Variants in TUBB8B observed in about 807,000 individuals in gnomAD.
The protein encoded by TUBB8B is HSA18p11 beta-tubulin 4Q pseudogene.
TUBB8B carries 26 observed loss-of-function variants against 31.9 expected under a neutral mutation model. The observed-to-expected ratio is 0.81, with a 90% CI of 0.60 to 1.13. The LOEUF (loss-of-function observed/expected upper bound fraction) is 1.13, where lower values mean the gene tolerates loss of function less well. Ranked by LOEUF, TUBB8B falls within the 50% of genes most tolerant of loss-of-function variation. The probability of loss-of-function intolerance (pLI) is 0.00; values close to 1 mark genes in which losing one functional copy is unlikely to be tolerated. For missense variants in TUBB8B, 467 were observed against 586.7 expected (o/e 0.80, Z 2.11); for synonymous variants, 173 against 231.0 (o/e 0.75, Z 2.28).
At chr18:63,523 G>T in the TUBB8B span, among the ~76,000 whole-genome samples, 10 of 151,594 alleles carry the variant, frequency 6.6e-5, no homozygotes, top group Non-Finnish European at 1.2e-4. Context: ...CACTGAGACT[G>T]CGCTGGTTCA....
upstream of TUBB8B, chr18:50,530 T>G (rs11874789): frequency 6.6e-6 from 1 of 152,508 alleles, no homozygotes; most frequent in Non-Finnish European, 1.5e-5. Context: ...CCTGTTTTAG[T>G]GTCTTGAAAA....
upstream of TUBB8B, among the ~76,000 whole-genome samples, chr18:52,912 G>A (rs1906167625): frequency 6.6e-6 from 1 of 151,810 alleles, no homozygotes; most frequent in African/African-American, 2.4e-5. Context: ...CTTGGAAGGT[G>A]CAGATGTACT....
At chr18:71,619 C>T in the TUBB8B span, among the ~76,000 whole-genome samples, 1 of 145,518 alleles carries the variant, frequency 6.9e-6, no homozygotes, top group African/African-American at 2.5e-5. Flanking sequence ...GTGGTTCAGG[C>T]CTGCCTGCAA....
At chr18:59,263 C>T in the TUBB8B span, among the ~76,000 whole-genome samples, 27 of 151,672 alleles carry the variant, frequency 1.8e-4, 2 homozygotes, top group African/African-American at 6.5e-4. Context: ...CCTTTTATTG[C>T]TTTCTCTTGT....
At chr18:64,147 A>T in the TUBB8B span, among the ~76,000 whole-genome samples, 4 of 152,042 alleles carry the variant, frequency 2.6e-5, no homozygotes, top group Non-Finnish European at 2.9e-5. Context: ...CTTCTCCATA[A>T]CTTAAACCTA....
At chr18:58,190 C>T in the TUBB8B span, among the ~76,000 whole-genome samples, 4 of 150,554 alleles carry the variant, frequency 2.7e-5, no homozygotes, top group Admixed American at 6.6e-5. Flanking sequence ...ATATCTCTAA[C>T]AAGTGATTGC....
At chr18:62,423 T>A in the TUBB8B span, among the ~76,000 whole-genome samples, 1 of 38,304 alleles carries the variant, frequency 2.6e-5, no homozygotes, top group Non-Finnish European at 5.0e-5. Context: ...AAATGTTTAA[T>A]TTTTTTTTTT....
the TUBB8B span, among the ~76,000 whole-genome samples, chr18:57,697 A>C: frequency 6.6e-6 from 1 of 151,886 alleles, no homozygotes; most frequent in Admixed American, 6.6e-5. Flanking sequence ...CCCAGTGGGG[A>C]ACCCACATGG....
chr18:60,716 A>C, the TUBB8B span, among the ~76,000 whole-genome samples: 1 of 151,664 alleles, frequency 6.6e-6, no homozygotes, highest in African/African-American at 2.4e-5. Context: ...ATTTTTATTG[A>C]CCTACTGATC....
the TUBB8B span, among the ~76,000 whole-genome samples, chr18:63,768 C>A: frequency 4.0e-5 from 6 of 148,616 alleles, no homozygotes; most frequent in African/African-American, 1.5e-4. Context: ...CTAACCCTAA[C>A]CCTAGCCCTA....
chr18:60,033 A>G, the TUBB8B span, among the ~76,000 whole-genome samples: 1 of 151,674 alleles, frequency 6.6e-6, no homozygotes, highest in Non-Finnish European at 1.5e-5. Flanking sequence ...TGCTTTTTAA[A>G]TGTGTCTTTG....
chr18:48,831 G>A (rs1402317459), intron 3 of TUBB8B, 109 bp downstream of exon 3: 4 of 823,104 alleles, frequency 4.9e-6, no homozygotes, highest in Non-Finnish European at 8.4e-6. Context: ...GGATAGGAGG[G>A]TGTTCAGGGG....
rs1345232820 is a variant in TUBB8B at position 49,060 on chromosome 18, G to T, written c.167-10C>A. On this transcript the variant is annotated splice_polypyrimidine_tract_variant and intron_variant, in intron 2 of 3. Transcript: ENST00000308911. ...GGCACGTACCTGCCACCTGCGTGGGGCGGGAGGGCATGAGCGAGGGGAGGG... is the reference window on the plus strand; with the variant it reads ...GGCACGTACCTGCCACCTGCGTGGGTCGGGAGGGCATGAGCGAGGGGAGGG... 1.3e-6 allele frequency: 2 copies of T among 1,588,428 alleles called. No individual in the cohort carries two copies. Among genetic ancestry groups the T allele is most frequent in the Non-Finnish European group, 1.7e-6 (2 of 1,160,162 alleles).
At chr18:51,882 C>T (rs1308943714), upstream of TUBB8B, among the ~76,000 whole-genome samples, 2 of 151,764 alleles carry the variant, frequency 1.3e-5, no homozygotes, top group Non-Finnish European at 2.9e-5. Context: ...ATTACCCAGC[C>T]TCAGATATGT....
the TUBB8B span, among the ~76,000 whole-genome samples, chr18:70,585 A>T: frequency 1.3e-5 from 2 of 152,212 alleles, no homozygotes; most frequent in African/African-American, 2.4e-5. Flanking sequence ...CAGTGAGCGG[A>T]GATCGCGCCA....
upstream of TUBB8B, among the ~76,000 whole-genome samples, chr18:53,267 T>C (rs1357038335): frequency 6.6e-6 from 1 of 151,848 alleles, no homozygotes; most frequent in African/African-American, 2.4e-5. Context: ...AAGGAGAAAA[T>C]GTATTTCTCA....
At chr18:54,442 T>C (rs1300316459), upstream of TUBB8B, among the ~76,000 whole-genome samples, 1 of 151,818 alleles carries the variant, frequency 6.6e-6, no homozygotes, top group East Asian at 1.9e-4. Flanking sequence ...TTTTTTACCA[T>C]AATCACCCTG....
At chr18:65,103 C>T in the TUBB8B span, among the ~76,000 whole-genome samples, 1 of 152,028 alleles carries the variant, frequency 6.6e-6, no homozygotes, top group African/African-American at 2.4e-5. Context: ...GAGTTTGAGA[C>T]CCGTCTTGCC....
At chr18:68,824 A>G in the TUBB8B span, among the ~76,000 whole-genome samples, 1 of 152,054 alleles carries the variant, frequency 6.6e-6, no homozygotes, top group African/African-American at 2.4e-5. Context: ...ATTCAACCCC[A>G]GTGGCCTGCA....
Sources: gnomAD v4.1 joint callset for allele counts (sites outside exome capture counted in the v4.1 genomes callset) on GRCh38, gnomAD v4.1.1 for gene constraint, MANE v1.5 for transcripts, NCBI Gene and HGNC (gene_info 2026-07-23, HGNC 2026-07-21) for gene names.